Variants in SRPK2 observed in about 807,000 individuals in gnomAD.
SRPK2 encodes the protein SFRS protein kinase 2.
A neutral mutation model predicts 90.8 loss-of-function variants in SRPK2; 21 were observed. That is an observed-to-expected ratio of 0.23 (90% CI 0.16 to 0.33). SRPK2 has a LOEUF of 0.33. Among genes scored for constraint, SRPK2 ranks in the 10% least tolerant of loss-of-function variants. The pLI is 1.00. For synonymous variants in SRPK2, 288 were observed against 311.1 expected (o/e 0.93, Z 0.78); for missense variants, 620 against 869.0 (o/e 0.71, Z 3.60).
At chr7:105,130,944 G>C (rs912657457) in intron 13 of SRPK2, among the ~76,000 whole-genome samples, 4 of 152,186 alleles carry the variant, frequency 2.6e-5, no homozygotes, top group African/African-American at 9.7e-5. Flanking sequence ...TTGGGAATCT[G>C]TTATTGATAT....
chr7:105,256,855 G>C (rs1333658104), intron 2 of SRPK2, among the ~76,000 whole-genome samples: 3 of 152,268 alleles, frequency 2.0e-5, no homozygotes, highest in African/African-American at 7.2e-5. Context: ...CCACTCATTG[G>C]ACATACTCTT....
Position 105,261,024 on chromosome 7 carries a change from A to T in SRPK2, c.72-57239T>A, listed in dbSNP as rs1019279183. Among the ~76,000 whole-genome samples the T allele has an allele frequency of 5.8e-4, 60 of 104,116 alleles. 1 individual carries two copies. Among genetic ancestry groups the T allele is most frequent in the Middle Eastern group, 4.6e-3 (1 of 218 alleles). The allele number at this position is 104,116 out of a possible 152,430, so 68.3% of individuals were successfully genotyped here. ...TTGTGCATATGTACCCTAGAAATTA[A>T]AAAAAAAAAAAAAAAAAACAGTATG... On this transcript the variant is annotated intron_variant, in intron 2 of 15. Transcript: ENST00000393651.
chr7:105,185,630 A>G (rs1316362947), intron 3 of SRPK2, among the ~76,000 whole-genome samples: 1 of 152,194 alleles, frequency 6.6e-6, no homozygotes, highest in African/African-American at 2.4e-5. Context: ...AAAAAATGAG[A>G]AAGAGAAAAA....
At chr7:105,386,435 C>T (rs573238964) in intron 2 of SRPK2, among the ~76,000 whole-genome samples, 2 of 151,952 alleles carry the variant, frequency 1.3e-5, no homozygotes, top group Non-Finnish European at 2.9e-5. Flanking sequence ...TGATTCAGGT[C>T]GGGCACGGTG....
intron 1 of SRPK2, among the ~76,000 whole-genome samples, chr7:105,398,685 A>G (rs1822393701): frequency 1.3e-5 from 2 of 152,138 alleles, no homozygotes; most frequent in African/African-American, 2.4e-5. Context: ...TGCCCATTCA[A>G]TTATGAAGCT....
intron 2 of SRPK2, among the ~76,000 whole-genome samples, chr7:105,259,811 G>A (rs1364974878): frequency 2.0e-5 from 3 of 152,042 alleles, no homozygotes; most frequent in African/African-American, 4.8e-5. Flanking sequence ...AATAAATGGT[G>A]CTGGGAAAAC....
intron 2 of SRPK2, among the ~76,000 whole-genome samples, chr7:105,290,117 T>C (rs1460607556): frequency 6.7e-6 from 1 of 150,242 alleles, no homozygotes; most frequent in Non-Finnish European, 1.5e-5. Flanking sequence ...TCATCACAGA[T>C]CACTATAATC....
chr7:105,269,962 T>C (rs564455815), intron 2 of SRPK2, among the ~76,000 whole-genome samples: 36 of 152,298 alleles, frequency 2.4e-4, no homozygotes, highest in African/African-American at 7.7e-4. Context: ...GATTTCAAAA[T>C]AGACCTCAAT....
chr7:105,293,032 C>T (rs746346963), intron 2 of SRPK2, among the ~76,000 whole-genome samples: 47 of 152,062 alleles, frequency 3.1e-4, no homozygotes, highest in Admixed American at 2.2e-3. Flanking sequence ...CCTGTAATCC[C>T]AACACTTTGG....
chr7:105,178,451 G>A (rs1792286521), intron 3 of SRPK2, among the ~76,000 whole-genome samples: 1 of 152,118 alleles, frequency 6.6e-6, no homozygotes, highest in Non-Finnish European at 1.5e-5. Flanking sequence ...GTAATGAATG[G>A]GAGACTGCTC....
chr7:105,314,078 T>G (rs1231283905), intron 2 of SRPK2, among the ~76,000 whole-genome samples: 1 of 152,072 alleles, frequency 6.6e-6, no homozygotes, highest in African/African-American at 2.4e-5. Context: ...GGCGTGGTGG[T>G]TCACACACTT....
chr7:105,227,130 A>G (rs1320164357), intron 2 of SRPK2, among the ~76,000 whole-genome samples: 2 of 152,162 alleles, frequency 1.3e-5, no homozygotes, highest in Non-Finnish European at 2.9e-5. Flanking sequence ...TCTCAAACCA[A>G]GTAACAAAGC....
chr7:105,361,696 A>G (rs1818442889), intron 2 of SRPK2, among the ~76,000 whole-genome samples: 1 of 152,226 alleles, frequency 6.6e-6, no homozygotes, highest in Non-Finnish European at 1.5e-5. Flanking sequence ...CTGATCTTTG[A>G]CAAACCTGAC....
intron 2 of SRPK2, among the ~76,000 whole-genome samples, chr7:105,368,246 A>G (rs542049386): frequency 6.6e-6 from 1 of 152,120 alleles, no homozygotes; most frequent in Admixed American, 6.6e-5. Context: ...TTTTAGAAAA[A>G]CTGTTTTCCT....
intron 2 of SRPK2, among the ~76,000 whole-genome samples, chr7:105,211,037 T>A (rs1796791410): frequency 6.6e-6 from 1 of 152,178 alleles, no homozygotes; most frequent in Admixed American, 6.5e-5. Context: ...AACACCTTGG[T>A]TTCAGTCTAG....
intron 2 of SRPK2, among the ~76,000 whole-genome samples, chr7:105,330,124 G>A (rs989303705): frequency 4.6e-5 from 7 of 151,914 alleles, no homozygotes; most frequent in African/African-American, 1.7e-4. Flanking sequence ...AGGATCACAA[G>A]GTCAAGAGAT....
At chr7:105,178,563 C>T (rs1792303829) in intron 3 of SRPK2, among the ~76,000 whole-genome samples, 1 of 152,134 alleles carries the variant, frequency 6.6e-6, no homozygotes, top group African/African-American at 2.4e-5. Context: ...CATGGTGGCT[C>T]ACGCCGCTGA....
intron 2 of SRPK2, among the ~76,000 whole-genome samples, chr7:105,260,266 G>A (rs1382511395): frequency 2.6e-5 from 4 of 152,136 alleles, no homozygotes; most frequent in East Asian, 1.9e-4. Context: ...TATGCAGCCA[G>A]AAGACACATG....
intron 2 of SRPK2, among the ~76,000 whole-genome samples, chr7:105,341,274 G>T (rs1277002345): frequency 7.0e-6 from 1 of 143,362 alleles, no homozygotes; most frequent in Admixed American, 7.6e-5. Flanking sequence ...TGAGGCAAGA[G>T]AATCACTGGA....
Sources: allele counts gnomAD v4.1 joint callset (sites outside exome capture counted in the v4.1 genomes callset), GRCh38; gene constraint gnomAD v4.1.1; transcripts MANE v1.5; gene names NCBI Gene and HGNC (gene_info 2026-07-23, HGNC 2026-07-21).